Variants in OPTN observed in about 807,000 individuals in gnomAD.
OPTN encodes the protein optineurin, also known as E3-14.7K-interacting protein.
In OPTN, 54 loss-of-function variants were observed where a neutral mutation model predicts 70.4. The ratio of observed to expected loss-of-function variants is 0.77; its 90% CI spans 0.62 to 0.96. The LOEUF (loss-of-function observed/expected upper bound fraction) is 0.96. Among genes scored for constraint, OPTN ranks in the 40% least tolerant of loss-of-function variants. The probability of loss-of-function intolerance (pLI) is 0.00; values close to 1 mark genes in which losing one functional copy is unlikely to be tolerated. For synonymous variants in OPTN, 256 were observed against 248.5 expected (o/e 1.03, Z -0.28); for missense variants, 624 against 673.2 (o/e 0.93, Z 0.81).
chr10:13,125,364 C>G, intron 9 of OPTN, 54 bp from the exon 10 acceptor site: 1 of 1,602,152 alleles, frequency 6.2e-7, no homozygotes, highest in South Asian at 1.1e-5. Context: ...GTTTAAAAGC[C>G]ACTGCGACGT....
chr10:13,100,518 G>C (rs1258737124), intron 1 of OPTN, among the ~76,000 whole-genome samples: 1 of 152,222 alleles, frequency 6.6e-6, no homozygotes, highest in Non-Finnish European at 1.5e-5. Context: ...GGGAGAGGGT[G>C]GGTAGTGAAC....
intron 1 of OPTN, among the ~76,000 whole-genome samples, chr10:13,100,531 AG>A (rs774762735): frequency 1.6e-3 from 250 of 152,198 alleles, no homozygotes; most frequent in Non-Finnish European, 1.7e-3. Context: ...TAGTGAACAC[AG>A]GGTGGGCCCA....
chr10:13,111,202 G>A (rs929061913), intron 4 of OPTN, among the ~76,000 whole-genome samples: 3 of 152,132 alleles, frequency 2.0e-5, no homozygotes, highest in African/African-American at 4.8e-5. Flanking sequence ...TGGGTGGTGG[G>A]AACGTTTTTT....
intron 1 of OPTN, among the ~76,000 whole-genome samples, chr10:13,104,149 A>G (rs1041527723): frequency 4.6e-5 from 7 of 152,148 alleles, no homozygotes; most frequent in African/African-American, 1.7e-4. Context: ...CAGATATTTC[A>G]TATGTGCACT....
At position 13,124,181 on chromosome 10, in the gene OPTN, A is replaced by C. The variant is rs1436366698; in HGVS notation, c.998+71A>C. 4 of 876,160 alleles carry C rather than the reference A, an allele frequency of 4.6e-6. No individual in the cohort carries two copies. The African/African-American group carries it at 6.8e-5, about 15-fold the overall frequency. The allele number at this position is 876,160 out of a possible 1,614,324, so 54.3% of individuals were successfully genotyped here. A position where few individuals can be genotyped will look rare whatever the true frequency, so the allele number is the denominator to read the frequency against. On this transcript the variant is annotated intron_variant, in intron 9 of 14. Transcript: ENST00000378747. Reference sequence around the variant, plus strand: ...TTACAAAGTATACTACTATATAAAAACATAGTTTTTTAACTATGTTATGAC... The same window carrying C: ...TTACAAAGTATACTACTATATAAAACCATAGTTTTTTAACTATGTTATGAC...
intron 13 of OPTN, among the ~76,000 whole-genome samples, chr10:13,132,617 G>T (rs1044801536): frequency 6.6e-6 from 1 of 152,012 alleles, no homozygotes; most frequent in African/African-American, 2.4e-5. Context: ...CCTGAGCTCA[G>T]GTGATCCTCG....
At chr10:13,121,425 C>T (rs1418379541) in intron 7 of OPTN, among the ~76,000 whole-genome samples, 1 of 144,108 alleles carries the variant, frequency 6.9e-6, no homozygotes, top group Non-Finnish European at 1.5e-5. Flanking sequence ...AGGATTGTGT[C>T]ATCGCAGAGA....
At chr10:13,107,506 G>A (rs1316746337) in intron 1 of OPTN, among the ~76,000 whole-genome samples, 4 of 149,616 alleles carry the variant, frequency 2.7e-5, no homozygotes, top group Non-Finnish European at 4.4e-5. Flanking sequence ...AGCCTCCGGA[G>A]TAGCTGGGAC....
At chr10:13,107,337 T>C (rs1053943056) in intron 1 of OPTN, among the ~76,000 whole-genome samples, 3 of 145,120 alleles carry the variant, frequency 2.1e-5, no homozygotes, top group Non-Finnish European at 4.5e-5. Context: ...ATCGCTCCAC[T>C]GCACTCCAGC....
At position 13,109,156 on chromosome 10, in the gene OPTN, AAGG is replaced by A. The variant is rs1363880953; in HGVS notation, c.39_41del (p.Glu13del). On this transcript the variant is annotated inframe_deletion, in exon 3 of 15. Coordinates refer to ENST00000378747, the MANE Select transcript of OPTN (RefSeq NM_001008212.2). Reference sequence around the variant, plus strand: ...TCAACCTCTCAGCTGCCTCACTGAAAAGGAGGACAGCCCCAGTGAAAGCACAGG... The same window carrying A: ...TCAACCTCTCAGCTGCCTCACTGAAAAGGACAGCCCCAGTGAAAGCACAGG... The A allele has an allele frequency of 6.2e-7, 1 of 1,614,006 alleles. No individual in the cohort carries two copies. The highest frequency in any genetic ancestry group is 1.1e-5 in the South Asian group (1 of 91,064).
rs781527495 is a variant in OPTN at position 13,109,300 on chromosome 10, T to G, written c.166+12T>G. ...CCACCAGCTGAAAGGTGAGCAGGGC[T>G]GGCCCCTGTGTGCCCCATTCATCCT... On this transcript the variant is annotated intron_variant, in intron 3 of 14. Transcript: ENST00000378747. 3.1e-6 allele frequency: 5 copies of G among 1,613,726 alleles called. No homozygotes were observed. Among genetic ancestry groups the G allele is most frequent in the Non-Finnish European group, 4.2e-6 (5 of 1,179,850 alleles).
In OPTN at chr10:13,109,114, A is replaced by G. The variant is rs779282676; in HGVS notation, c.-9A>G. 14 of 1,613,792 alleles carry G rather than the reference A, an allele frequency of 8.7e-6. No individual in the cohort carries two copies. Among genetic ancestry groups the G allele is most frequent in the Non-Finnish European group, 1.1e-5 (13 of 1,179,940 alleles). ...TTCAACAGGTGACTTTTCCACAGGA[A>G]CTTCTGCAATGTCCCATCAACCTCT... On this transcript the variant is annotated splice_region_variant and 5_prime_UTR_variant, in exon 3 of 15. Coordinates refer to ENST00000378747, the MANE Select transcript of OPTN (RefSeq NM_001008212.2).
intron 1 of OPTN, chr10:13,104,589 C>T (rs1832824207): frequency 1.5e-6 from 1 of 655,658 alleles, no homozygotes; most frequent in Non-Finnish European, 2.9e-6. Flanking sequence ...TCCAAGGCTT[C>T]TAACATGAGG....
At chr10:13,110,125 G>A (rs1399410073) in intron 3 of OPTN, 149 bp from the exon 4 acceptor site, 4 of 1,427,348 alleles carry the variant, frequency 2.8e-6, no homozygotes, top group African/African-American at 2.9e-5. Context: ...AAACCACTTC[G>A]TCTTTTTGCT....
chr10:13,130,914 AATGTT>A (rs1381587727), intron 12 of OPTN, among the ~76,000 whole-genome samples: 1 of 151,970 alleles, frequency 6.6e-6, no homozygotes, highest in African/African-American at 2.4e-5. Flanking sequence ...TAATTTTTAA[AATGTT>A]GTGTTGTTTT....
intron 12 of OPTN, among the ~76,000 whole-genome samples, chr10:13,128,338 C>T (rs998317956): frequency 3.3e-5 from 5 of 152,036 alleles, no homozygotes; most frequent in Non-Finnish European, 7.4e-5. Flanking sequence ...CTACATCTTA[C>T]CAACACTTCT....
chr10:13,136,485 G>A (rs916403218), intron 14 of OPTN, among the ~76,000 whole-genome samples: 1 of 119,644 alleles, frequency 8.4e-6, no homozygotes, highest in Admixed American at 1.2e-4. Flanking sequence ...TCCAGCCTGG[G>A]TGACAGCGAG....
chr10:13,126,147 G>C (rs902991225), intron 11 of OPTN, 108 bp downstream of exon 11: 7 of 741,362 alleles, frequency 9.4e-6, no homozygotes, highest in African/African-American at 1.8e-5. Context: ...TGGTTTCAAA[G>C]GTTGTTTTCC....
At chr10:13,115,231 A>T (rs1402327208) in intron 5 of OPTN, among the ~76,000 whole-genome samples, 1 of 81,064 alleles carries the variant, frequency 1.2e-5, no homozygotes, top group African/African-American at 5.8e-5. Context: ...TTATATATAG[A>T]TATATCTATA....
Sources: gnomAD v4.1 joint callset for allele counts (sites outside exome capture counted in the v4.1 genomes callset) on GRCh38, gnomAD v4.1.1 for gene constraint, MANE v1.5 for transcripts, NCBI Gene and HGNC (gene_info 2026-07-23, HGNC 2026-07-21) for gene names.